ACTR1A: variants seen among roughly 807,000 people sequenced by gnomAD.
ACTR1A encodes the protein alpha-centractin.
Under a neutral mutation model 50.7 loss-of-function variants are expected in ACTR1A, and 10 were observed. The ratio of observed to expected loss-of-function variants is 0.20; its 90% confidence interval spans 0.12 to 0.33. The LOEUF (loss-of-function observed/expected upper bound fraction) is 0.33, where lower values mean the gene tolerates loss of function less well. ACTR1A is among the 10% of genes least tolerant of loss of function. ACTR1A has a pLI of 1.00. For synonymous variants in ACTR1A, 177 were observed against 184.2 expected, an observed-to-expected ratio of 0.96 and a Z score of 0.32; for missense variants, 253 against 491.7, an observed-to-expected ratio of 0.51 and a Z score of 4.59.
At chr10:102,495,695 A>T (rs1247117673) in intron 1 of ACTR1A, among the ~76,000 whole-genome samples, 1 of 151,144 alleles carries the variant, frequency 6.6e-6, no homozygotes, top group Admixed American at 6.6e-5. Flanking sequence ...CGCCACTGCA[A>T]TTTAGCCTGG....
intron 1 of ACTR1A, among the ~76,000 whole-genome samples, chr10:102,501,047 A>G (rs1165579420): frequency 6.6e-6 from 1 of 151,628 alleles, no homozygotes; most frequent in Non-Finnish European, 1.5e-5. Flanking sequence ...TTTCAGACTC[A>G]GCAACAGAGC....
rs2062130479 is a variant in ACTR1A at position 102,480,037 on chromosome 10, A to T, written c.*826T>A. On this transcript the variant is annotated 3_prime_UTR_variant, in exon 11 of 11. Coordinates refer to ENST00000369905, the MANE Select transcript of ACTR1A (RefSeq NM_005736.4). ...GTAAACATTAGTGTAGCAAGGCAGG[A>T]GGCAGCAAGCTCCCTCTCTCCAGCC... 5.8e-6 allele frequency: 1 copy of T among 172,264 alleles called. No individual in the cohort carries two copies. The highest frequency in any genetic ancestry group is 1.3e-5 in the Non-Finnish European group (1 of 79,088). 10.7% of individuals were successfully genotyped at this position (172,264 alleles called of 1,614,324 possible). A position where few individuals can be genotyped will look rare whatever the true frequency, so the allele number is the denominator to read the frequency against.
At position 102,489,983 on chromosome 10, in the gene ACTR1A, C is replaced by G. The variant is rs945510542; in HGVS notation, c.113+566G>C. Among the ~76,000 whole-genome samples, 5 of 152,090 alleles carry G rather than the reference C, an allele frequency of 3.3e-5. No homozygotes were observed. In the East Asian group the frequency reaches 9.6e-4, roughly 29 times the overall value. ...ATTAAGATGGTAGAAGGGCTGTAATCCCAGCACTTTGGGAGGCCGAGGCAG... is the reference window on the plus strand; with the variant it reads ...ATTAAGATGGTAGAAGGGCTGTAATGCCAGCACTTTGGGAGGCCGAGGCAG... On this transcript the variant is annotated intron_variant, in intron 2 of 10. Transcript: ENST00000369905.
intron 1 of ACTR1A, among the ~76,000 whole-genome samples, chr10:102,496,529 T>C (rs2062223453): frequency 6.6e-6 from 1 of 152,232 alleles, no homozygotes; most frequent in African/African-American, 2.4e-5. Context: ...ATCCTTGGCT[T>C]GCAAAATATA....
Position 102,480,602 on chromosome 10 carries a change from G to T in ACTR1A, c.*261C>A. The stretch of plus-strand genomic sequence containing the variant: ...GCCAGCCAGAGGCCACCTGAGGAGG[G>T]AGCACAGCCTCTGCCAGCGCTCTTC... On this transcript the variant is annotated 3_prime_UTR_variant, in exon 11 of 11. Coordinates refer to ENST00000369905, the MANE Select transcript of ACTR1A (RefSeq NM_005736.4). 1.9e-6 allele frequency: 1 copy of T among 523,734 alleles called. No individual in the cohort carries two copies. The allele number at this position is 523,734 out of a possible 1,614,324, so 32.4% of individuals were successfully genotyped here.
intron 1 of ACTR1A, among the ~76,000 whole-genome samples, chr10:102,494,764 C>T (rs1370897551): frequency 6.6e-6 from 1 of 152,144 alleles, no homozygotes; most frequent in Non-Finnish European, 1.5e-5. Context: ...GAGAGACCAG[C>T]CTGGGCAACA....
rs1564649839 is a variant in ACTR1A at position 102,490,628 on chromosome 10, GA to G, written c.49-16del. 6.2e-7 allele frequency: 1 copy of G among 1,601,712 alleles called. No individual in the cohort carries two copies. The highest frequency in any genetic ancestry group is 1.7e-5 in the Admixed American group (1 of 59,932). ...ACACCGGATCCCTGAGGAAAGAGGA[GA>G]GAGAATGAGGAGTCAGAACTATCAC... On this transcript the variant is annotated splice_polypyrimidine_tract_variant and intron_variant, in intron 1 of 10. Coordinates refer to ENST00000369905, the MANE Select transcript of ACTR1A (RefSeq NM_005736.4).
chr10:102,490,517 C>T, intron 2 of ACTR1A, 32 bp downstream of exon 2: 1 of 1,588,248 alleles, frequency 6.3e-7, no homozygotes, highest in South Asian at 1.1e-5. Flanking sequence ...GCTGATGAGC[C>T]TCCAAAACGT....
At chr10:102,492,485 A>G (rs1406075117) in intron 1 of ACTR1A, among the ~76,000 whole-genome samples, 1 of 151,270 alleles carries the variant, frequency 6.6e-6, no homozygotes, top group Admixed American at 6.6e-5. Flanking sequence ...CCTGTTGACC[A>G]CTCTCCTGGG....
chr10:102,494,507 G>A (rs2062210241), intron 1 of ACTR1A, among the ~76,000 whole-genome samples: 1 of 152,214 alleles, frequency 6.6e-6, no homozygotes, highest in South Asian at 2.1e-4. Context: ...TTGTGTGCCT[G>A]TGGTCCCAGC....
chr10:102,499,808 CA>C (rs1564652131), intron 1 of ACTR1A, among the ~76,000 whole-genome samples: 3 of 152,190 alleles, frequency 2.0e-5, no homozygotes. Flanking sequence ...ACATCAAGAA[CA>C]AAAAGTCCTA....
chr10:102,489,365 T>C (rs1241357427), intron 2 of ACTR1A, among the ~76,000 whole-genome samples: 1 of 152,024 alleles, frequency 6.6e-6, no homozygotes, highest in Non-Finnish European at 1.5e-5. Flanking sequence ...TTATAAATTA[T>C]GAAAACAAAT....
chr10:102,479,903 A>G lies in ACTR1A; in HGVS notation c.*960T>C, dbSNP rs568319570. On this transcript the variant is annotated 3_prime_UTR_variant, in exon 11 of 11. Transcript: ENST00000369905. The surrounding 1 kb of genome is among the most constrained non-coding windows in gnomAD (Gnocchi z 4.0). Reference sequence around the variant, plus strand: ...GAAAAGGGAGAAAGAGCCTGGTGGGAGTGTCTTTGAGTGTAGCTTCCAATC... The same window carrying G: ...GAAAAGGGAGAAAGAGCCTGGTGGGGGTGTCTTTGAGTGTAGCTTCCAATC... The G allele has an allele frequency of 1.2e-4, 38 of 315,674 alleles. No individual in the cohort carries two copies. Among genetic ancestry groups the G allele is most frequent in the African/African-American group, 7.8e-4 (36 of 46,328 alleles). 19.6% of individuals were successfully genotyped at this position (315,674 alleles called of 1,614,324 possible). A position where few individuals can be genotyped will look rare whatever the true frequency, so the allele number is the denominator to read the frequency against.
At chr10:102,491,124 A>T (rs1416010500) in intron 1 of ACTR1A, among the ~76,000 whole-genome samples, 1 of 152,224 alleles carries the variant, frequency 6.6e-6, no homozygotes, top group Non-Finnish European at 1.5e-5. Context: ...ACACAACCGT[A>T]TGTGTGATTT....
chr10:102,489,840 T>C (rs2135584206), intron 2 of ACTR1A, among the ~76,000 whole-genome samples: 1 of 150,062 alleles, frequency 6.7e-6, no homozygotes, highest in Non-Finnish European at 1.5e-5. Flanking sequence ...TGTGATGCTA[T>C]AGATCGGACA....
chr10:102,484,457 G>T, intron 5 of ACTR1A, 81 bp from the exon 6 acceptor site: 1 of 1,261,204 alleles, frequency 7.9e-7, no homozygotes, highest in Non-Finnish European at 1.1e-6. Flanking sequence ...AGGGTTCAAT[G>T]TCAGCTAAAC....
In ACTR1A at chr10:102,488,407, TTGC is replaced by T; in HGVS notation, c.190-135_190-133del. 1 of 1,322,278 alleles carries T rather than the reference TTGC, an allele frequency of 7.6e-7. No homozygotes were observed. The highest frequency in any genetic ancestry group is 1.1e-6 in the Non-Finnish European group (1 of 950,870). The allele number at this position is 1,322,278 out of a possible 1,614,324, so 81.9% of individuals were successfully genotyped here. On this transcript the variant is annotated intron_variant, in intron 3 of 10. Transcript: ENST00000369905. This position sits in a 1 kb window ranked among gnomAD's most constrained non-coding sequence, Gnocchi z 4.4. ...TTCCTGAGCTTCCACCCTGCTGTCC[TTGC>T]CCAGGGCTAAGGGTGGGCACTCATT...
chr10:102,497,327 A>T (rs1274269744), intron 1 of ACTR1A, among the ~76,000 whole-genome samples: 2 of 152,210 alleles, frequency 1.3e-5, no homozygotes, highest in Non-Finnish European at 2.9e-5. Flanking sequence ...AAATTGCTAT[A>T]ATAAAAAGAG....
Position 102,484,044 on chromosome 10 carries a change from C to T in ACTR1A, c.657+116G>A. The T allele has an allele frequency of 9.4e-6, 9 of 952,516 alleles. No individual in the cohort carries two copies. The South Asian group carries it at 1.4e-4, about 14-fold the overall frequency. 59.0% of individuals were successfully genotyped at this position (952,516 alleles called of 1,614,324 possible). A position where few individuals can be genotyped will look rare whatever the true frequency, so the allele number is the denominator to read the frequency against. On this transcript the variant is annotated intron_variant, in intron 6 of 10. Coordinates refer to ENST00000369905, the MANE Select transcript of ACTR1A (RefSeq NM_005736.4). ...GAGACCTGGCTGGGAAGAACAAGGC[C>T]TCACCAGGGACCCCCAGGCAGGTGC...
Sources: allele counts gnomAD v4.1 joint callset (sites outside exome capture counted in the v4.1 genomes callset), GRCh38; gene constraint gnomAD v4.1.1; non-coding constraint Gnocchi (gnomAD v3.1); transcripts MANE v1.5; gene names NCBI Gene and HGNC (gene_info 2026-07-23, HGNC 2026-07-21).